MYO1B: variants seen among roughly 807,000 people sequenced by gnomAD.
The protein encoded by MYO1B is unconventional myosin-Ib.
MYO1B carries 72 observed loss-of-function variants against 159.7 expected under a neutral mutation model. The observed-to-expected ratio is 0.45, with a 90% CI of 0.37 to 0.55. The LOEUF (loss-of-function observed/expected upper bound fraction) is 0.55. Ranked by LOEUF, MYO1B falls within the 20% of genes least tolerant of loss-of-function variation. The pLI is 0.00. For missense variants in MYO1B, 1,062 were observed against 1,364.8 expected, an observed-to-expected ratio of 0.78 and a Z score of 3.50; for synonymous variants, 468 against 473.8, an observed-to-expected ratio of 0.99 and a Z score of 0.16.
intron 16 of MYO1B, among the ~76,000 whole-genome samples, chr2:191,386,558 A>G (rs1287183498): frequency 6.6e-6 from 1 of 152,146 alleles, no homozygotes; most frequent in Non-Finnish European, 1.5e-5. Context: ...AATTAATTTT[A>G]TGTCTAATAT....
chr2:191,265,107 T>C (rs544002887), intron 1 of MYO1B, among the ~76,000 whole-genome samples: 1 of 151,990 alleles, frequency 6.6e-6, no homozygotes, highest in South Asian at 2.1e-4. Context: ...TTCCTTAACC[T>C]ACAAACAAGA....
At chr2:191,303,326 C>CGT (rs1427081953) in intron 3 of MYO1B, among the ~76,000 whole-genome samples, 2 of 151,754 alleles carry the variant, frequency 1.3e-5, no homozygotes, top group African/African-American at 2.4e-5. Flanking sequence ...GGTGTGTGTG[C>CGT]GTGTGTGTGT....
chr2:191,269,385 T>C (rs1300345664), intron 1 of MYO1B, among the ~76,000 whole-genome samples: 1 of 152,256 alleles, frequency 6.6e-6, no homozygotes, highest in Non-Finnish European at 1.5e-5. Context: ...ATATTTTGTT[T>C]ATCCATTCAT....
chr2:191,376,888 G>A (rs1418523146), intron 13 of MYO1B, among the ~76,000 whole-genome samples: 4 of 152,086 alleles, frequency 2.6e-5, no homozygotes, highest in Non-Finnish European at 5.9e-5. Flanking sequence ...AATATCATCA[G>A]TCTCCTTTGT....
intron 29 of MYO1B, 102 bp from the exon 30 acceptor site, chr2:191,416,013 T>G (rs1271447623): frequency 1.6e-6 from 2 of 1,255,880 alleles, no homozygotes; most frequent in Non-Finnish European, 1.1e-6. Context: ...TTCCAGGATC[T>G]GATGTTTTAA....
intron 4 of MYO1B, among the ~76,000 whole-genome samples, chr2:191,335,188 C>T (rs1379275268): frequency 6.6e-6 from 1 of 152,172 alleles, no homozygotes; most frequent in Admixed American, 6.5e-5. Flanking sequence ...TGAATACCCA[C>T]TTAGCTACAT....
At chr2:191,337,211 G>T (rs1251152599) in intron 4 of MYO1B, among the ~76,000 whole-genome samples, 1 of 152,048 alleles carries the variant, frequency 6.6e-6, no homozygotes, top group Admixed American at 6.6e-5. Flanking sequence ...TCCTTGAATT[G>T]TTTTCCCTTC....
Position 191,398,753 on chromosome 2 carries a change from C to G in MYO1B, c.2296-1629C>G, listed in dbSNP as rs556924296. Among the ~76,000 whole-genome samples the G allele has an allele frequency of 9.8e-3, 1,489 of 151,780 alleles. 34 individuals carry two copies. Among genetic ancestry groups the G allele is most frequent in the Admixed American group, 0.074 (1,130 of 15,218 alleles). ...CCTCGCTTCCTAGATGGGATGGCGG[C>G]CGGGCAGAGACGCTCCTCACTTTCC... On this transcript the variant is annotated intron_variant, in intron 21 of 30. Coordinates refer to ENST00000392318, the MANE Select transcript of MYO1B (RefSeq NM_001130158.3).
At chr2:191,301,775 C>G (rs1177578351) in intron 3 of MYO1B, among the ~76,000 whole-genome samples, 4 of 152,236 alleles carry the variant, frequency 2.6e-5, no homozygotes, top group Non-Finnish European at 4.4e-5. Flanking sequence ...TGTGACAGTG[C>G]ACCTTCAGAT....
At chr2:191,246,959 A>C (rs1685828820) in intron 1 of MYO1B, among the ~76,000 whole-genome samples, 2 of 152,192 alleles carry the variant, frequency 1.3e-5, no homozygotes, top group South Asian at 4.1e-4. Context: ...AATTAAATGT[A>C]ATGTGTCAGA....
At chr2:191,380,949 T>C (rs548691230) in intron 13 of MYO1B, 79 of 241,286 alleles carry the variant, frequency 3.3e-4, no homozygotes, top group African/African-American at 1.7e-3. Context: ...AATCTGTACA[T>C]GTGTATACTT....
At chr2:191,393,273 C>A (rs751897500) in intron 20 of MYO1B, 51 bp downstream of exon 20, 2 of 1,590,836 alleles carry the variant, frequency 1.3e-6, no homozygotes, top group Non-Finnish European at 8.6e-7. Flanking sequence ...AATTTGCCAA[C>A]ATTTATTATG....
Position 191,354,012 on chromosome 2 carries a change from C to T in MYO1B, c.562+3787C>T, listed in dbSNP as rs1162294038. Among the ~76,000 whole-genome samples the T allele has an allele frequency of 3.3e-5, 5 of 152,136 alleles. 1 individual carries two copies. The highest frequency in any genetic ancestry group is 1.2e-4 in the African/African-American group (5 of 41,416). ...ATGGCTCATGCCTGTAATCGCAGCACTTTGGGAGGCCGAGGCAGGCGGATC... is the reference window on the plus strand; with the variant it reads ...ATGGCTCATGCCTGTAATCGCAGCATTTTGGGAGGCCGAGGCAGGCGGATC... On this transcript the variant is annotated intron_variant, in intron 7 of 30. Coordinates refer to ENST00000392318, the MANE Select transcript of MYO1B (RefSeq NM_001130158.3).
In MYO1B at chr2:191,363,864, AAG is replaced by A; in HGVS notation, c.904_905del (p.Asp302Ter). 2 of 1,613,750 alleles carry A rather than the reference AAG, an allele frequency of 1.2e-6. No individual in the cohort carries two copies. The highest frequency in any genetic ancestry group is 1.7e-6 in the Non-Finnish European group (2 of 1,179,898). On this transcript the variant is annotated frameshift_variant, in exon 10 of 31. Coordinates refer to ENST00000392318, the MANE Select transcript of MYO1B (RefSeq NM_001130158.3). LOFTEE classifies it high-confidence loss of function. Reference sequence around the variant, plus strand: ...AATGGTCTAGATGAAAGCAAAATCAAAGATAAAAATGGTACATCCGTGGAGAA... The same window carrying A: ...AATGGTCTAGATGAAAGCAAAATCAAATAAAAATGGTACATCCGTGGAGAA...
intron 4 of MYO1B, among the ~76,000 whole-genome samples, chr2:191,331,559 TA>T (rs778062831): frequency 2.6e-5 from 4 of 152,220 alleles, no homozygotes; most frequent in Non-Finnish European, 5.9e-5. Context: ...TTTCTAGGGC[TA>T]AAAATCCCTT....
chr2:191,254,625 C>A (rs1686328287), intron 1 of MYO1B, among the ~76,000 whole-genome samples: 2 of 152,072 alleles, frequency 1.3e-5, no homozygotes, highest in South Asian at 4.1e-4. Flanking sequence ...CCCACCTCAG[C>A]TTCCCAAGTA....
intron 13 of MYO1B, among the ~76,000 whole-genome samples, chr2:191,378,400 A>G (rs1451763842): frequency 6.6e-6 from 1 of 151,706 alleles, no homozygotes; most frequent in African/African-American, 2.4e-5. Context: ...TAGTTCTTAT[A>G]GGTTTTGGGA....
chr2:191,326,193 T>C (rs1691052296), intron 3 of MYO1B, among the ~76,000 whole-genome samples: 1 of 152,178 alleles, frequency 6.6e-6, no homozygotes, highest in South Asian at 2.1e-4. Flanking sequence ...TCACAACCGT[T>C]TTTAACTAAA....
chr2:191,340,165 G>A (rs1341493869), intron 4 of MYO1B, among the ~76,000 whole-genome samples: 1 of 151,906 alleles, frequency 6.6e-6, no homozygotes, highest in Non-Finnish European at 1.5e-5. Context: ...TCCCAGTTAC[G>A]GAACATTAGA....
Sources: gnomAD v4.1 joint callset for allele counts (sites outside exome capture counted in the v4.1 genomes callset) on GRCh38, gnomAD v4.1.1 for gene constraint, MANE v1.5 for transcripts, NCBI Gene and HGNC (gene_info 2026-07-23, HGNC 2026-07-21) for gene names.